Variants in ANKRD62 observed in about 807,000 individuals in gnomAD.
The protein encoded by ANKRD62 is ankyrin repeat domain-containing protein 62.
In ANKRD62, 61 loss-of-function variants were observed where a neutral mutation model predicts 98.8. That is an observed-to-expected ratio of 0.62 (90% CI 0.50 to 0.76). The LOEUF is 0.76. Ranked by LOEUF, ANKRD62 falls within the 30% of genes least tolerant of loss-of-function variation. The pLI, the probability that ANKRD62 is intolerant of heterozygous loss-of-function variation, is 0.00. For synonymous variants in ANKRD62, 341 were observed against 367.9 expected (o/e 0.93, Z 0.84); for missense variants, 933 against 1,082.9 (o/e 0.86, Z 1.94).
At chr18:12,094,587 GAGGGACTGTGGTGGGGAGTGGAGTGA>G (rs1909132141) in intron 1 of ANKRD62, among the ~76,000 whole-genome samples, 1 of 18,846 alleles carries the variant, frequency 5.3e-5, no homozygotes, top group Non-Finnish European at 1.0e-4. Flanking sequence ...AGAGTTGGGT[GAGGGACTGTGGTGGGGAGTGGAGTGA>G]GGGTGGGTTG....
At chr18:12,172,617 C>T in the ANKRD62 span, among the ~76,000 whole-genome samples, 10 of 152,294 alleles carry the variant, frequency 6.6e-5, 1 homozygote, top group Admixed American at 6.5e-4. Context: ...CAGATCCGTG[C>T]TGGGAGAACC....
At chr18:12,170,458 C>T in the ANKRD62 span, among the ~76,000 whole-genome samples, 12 of 152,280 alleles carry the variant, frequency 7.9e-5, no homozygotes, top group African/African-American at 1.2e-4. Context: ...GTTTCTTAAT[C>T]CTGAGTTCTA....
At chr18:12,168,490 C>T in the ANKRD62 span, among the ~76,000 whole-genome samples, 1 of 152,050 alleles carries the variant, frequency 6.6e-6, no homozygotes, top group Admixed American at 6.5e-5. Flanking sequence ...TTCCATTGAT[C>T]TATATCTCTG....
intron 8 of ANKRD62, among the ~76,000 whole-genome samples, chr18:12,114,778 A>AT (rs1001171512): frequency 1.1e-4 from 16 of 152,188 alleles, no homozygotes; most frequent in South Asian, 4.2e-4. Context: ...CAGGATACGT[A>AT]TTTTTTTATC....
At chr18:12,153,948 A>G in the ANKRD62 span, among the ~76,000 whole-genome samples, 23 of 152,336 alleles carry the variant, frequency 1.5e-4, no homozygotes, top group Non-Finnish European at 2.6e-4. Flanking sequence ...CATACATACA[A>G]GTCAACTCAA....
chr18:12,097,144 A>G (rs1226787830), intron 4 of ANKRD62, among the ~76,000 whole-genome samples: 1 of 152,142 alleles, frequency 6.6e-6, no homozygotes, highest in Non-Finnish European at 1.5e-5. Flanking sequence ...TAAGTAATAT[A>G]TGTATATATG....
chr18:12,107,262 A>T, intron 7 of ANKRD62, 33 bp from the exon 8 acceptor site: 1 of 1,392,530 alleles, frequency 7.2e-7, no homozygotes, highest in Non-Finnish European at 9.3e-7. Context: ...TAAAATAATG[A>T]CAATTATTCT....
intron 6 of ANKRD62, among the ~76,000 whole-genome samples, chr18:12,100,877 A>T (rs558257436): frequency 1.3e-5 from 2 of 152,350 alleles, no homozygotes; most frequent in East Asian, 1.9e-4. Flanking sequence ...ATATTATTAT[A>T]ATAATATTCG....
chr18:12,096,189 T>C lies in ANKRD62; in HGVS notation c.508-7T>C. Reference sequence around the variant, plus strand: ...GTGAATTATAAATTGTTTTTGCTGTTTTGCAGGATGGACATACATCACTTT... The same window carrying C: ...GTGAATTATAAATTGTTTTTGCTGTCTTGCAGGATGGACATACATCACTTT... On this transcript the variant is annotated splice_region_variant and splice_polypyrimidine_tract_variant and intron_variant, in intron 3 of 13. Coordinates refer to ENST00000587848, the MANE Select transcript of ANKRD62 (RefSeq NM_001277333.2). The C allele has an allele frequency of 6.6e-7, 1 of 1,509,890 alleles. No homozygotes were observed. Among genetic ancestry groups the C allele is most frequent in the East Asian group, 2.5e-5 (1 of 40,674 alleles). The allele number at this position is 1,509,890 out of a possible 1,614,324, so 93.5% of individuals were successfully genotyped here. A position where few individuals can be genotyped will look rare whatever the true frequency, so the allele number is the denominator to read the frequency against.
Position 12,127,728 on chromosome 18 carries a change from CA to C in ANKRD62, c.2563-15del. The C allele has an allele frequency of 7.4e-7, 1 of 1,352,352 alleles. No homozygotes were observed. Among genetic ancestry groups the C allele is most frequent in the South Asian group, 2.1e-5 (1 of 47,544 alleles). 83.8% of individuals were successfully genotyped at this position (1,352,352 alleles called of 1,614,324 possible). ...AATAAGTGATATGTAAAATCAGTAA[CA>C]AAAATAACATCTTACCAGGTAGTCA... On this transcript the variant is annotated intron_variant, in intron 13 of 13. Transcript: ENST00000587848.
intron 8 of ANKRD62, among the ~76,000 whole-genome samples, chr18:12,108,692 A>G (rs4619462): frequency 0.98 from 148,553 of 152,242 alleles, 72,514 homozygotes; most frequent in East Asian, 1. Context: ...TGTCTCATCC[A>G]AGACAAGGAT....
At chr18:12,123,375 C>T (rs1388157654) in intron 11 of ANKRD62, among the ~76,000 whole-genome samples, 1 of 151,946 alleles carries the variant, frequency 6.6e-6, no homozygotes, top group Non-Finnish European at 1.5e-5. Flanking sequence ...TAATATGCAG[C>T]GAATGAAAAG....
intron 8 of ANKRD62, among the ~76,000 whole-genome samples, chr18:12,112,149 G>C (rs1909556955): frequency 6.9e-6 from 1 of 144,772 alleles, no homozygotes; most frequent in African/African-American, 2.6e-5. Context: ...ACTGCCCAAA[G>C]CATTTCGTAG....
At chr18:12,156,059 T>TTC in the ANKRD62 span, among the ~76,000 whole-genome samples, 5 of 149,476 alleles carry the variant, frequency 3.3e-5, no homozygotes, top group African/African-American at 7.4e-5. Context: ...CTCTCTCTCT[T>TTC]TCTCTCTCTC....
At chr18:12,127,602 A>G in intron 13 of ANKRD62, 146 bp from the exon 14 acceptor site, 2 of 532,790 alleles carry the variant, frequency 3.8e-6, no homozygotes, top group South Asian at 1.4e-4. Context: ...TTCAGTAATA[A>G]ACAGGAATGT....
the ANKRD62 span, among the ~76,000 whole-genome samples, chr18:12,166,765 T>C: frequency 6.6e-6 from 1 of 152,214 alleles, no homozygotes; most frequent in Non-Finnish European, 1.5e-5. Context: ...AGGGTACATG[T>C]GCCCAATGTG....
chr18:12,123,082 G>T (rs1393009450), intron 11 of ANKRD62, among the ~76,000 whole-genome samples: 3 of 151,886 alleles, frequency 2.0e-5, no homozygotes, highest in Non-Finnish European at 2.9e-5. Flanking sequence ...AGAGTCTTGC[G>T]CTGTCACCCA....
chr18:12,139,087 T>A, the ANKRD62 span, among the ~76,000 whole-genome samples: 2 of 152,212 alleles, frequency 1.3e-5, no homozygotes, highest in African/African-American at 4.8e-5. Flanking sequence ...CCTGTCATTA[T>A]GATGTTAGCT....
chr18:12,135,538 C>A, the ANKRD62 span, among the ~76,000 whole-genome samples: 4 of 151,096 alleles, frequency 2.6e-5, no homozygotes, highest in Non-Finnish European at 4.4e-5. Flanking sequence ...CATGATTTAT[C>A]GTCCTTTGGG....
Sources: allele counts gnomAD v4.1 joint callset (sites outside exome capture counted in the v4.1 genomes callset), GRCh38; gene constraint gnomAD v4.1.1; transcripts MANE v1.5; gene names NCBI Gene and HGNC (gene_info 2026-07-23, HGNC 2026-07-21).